FHL2: variants seen among roughly 807,000 people sequenced by gnomAD.
The protein encoded by FHL2 is four and a half LIM domains 2, also known as four and a half LIM domains protein 2.
FHL2 carries 20 observed loss-of-function variants against 32.7 expected under a neutral mutation model. The observed-to-expected ratio is 0.61, with a 90% CI of 0.43 to 0.89. The LOEUF (loss-of-function observed/expected upper bound fraction) is 0.89. Ranked by LOEUF, FHL2 falls within the 40% of genes least tolerant of loss-of-function variation. The pLI, the probability that FHL2 is intolerant of heterozygous loss-of-function variation, is 0.00. For missense variants in FHL2, 311 were observed against 358.6 expected (o/e 0.87, Z 1.07); for synonymous variants, 123 against 128.1 (o/e 0.96, Z 0.27).
intron 1 of FHL2, among the ~76,000 whole-genome samples, chr2:105,414,538 G>A (rs6706921): frequency 0.04 from 6,054 of 152,072 alleles, 392 homozygotes; most frequent in African/African-American, 0.14. Context: ...GAGATTTAAA[G>A]GTTTTTGTTT....
At chr2:105,437,493 T>C (rs1167511379) in intron 1 of FHL2, among the ~76,000 whole-genome samples, 1 of 152,074 alleles carries the variant, frequency 6.6e-6, no homozygotes, top group Non-Finnish European at 1.5e-5. Flanking sequence ...AAGAAACAAA[T>C]AAAACAACTA....
intron 6 of FHL2, chr2:105,363,059 G>A (rs970507016): frequency 3.7e-6 from 2 of 533,810 alleles, no homozygotes; most frequent in African/African-American, 1.9e-5. Flanking sequence ...TGGAGCACTG[G>A]CCATATGGTT....
chr2:105,435,651 G>A (rs900128088), intron 1 of FHL2, among the ~76,000 whole-genome samples: 1 of 151,988 alleles, frequency 6.6e-6, no homozygotes, highest in Non-Finnish European at 1.5e-5. Context: ...ACGAAACACT[G>A]TCTTCACTAA....
At chr2:105,387,107 C>A (rs1332379116) in intron 2 of FHL2, among the ~76,000 whole-genome samples, 1 of 152,098 alleles carries the variant, frequency 6.6e-6, no homozygotes, top group Non-Finnish European at 1.5e-5. Context: ...TTTACTGTGT[C>A]AGAAAAAGCT....
chr2:105,362,152 A>T (rs1201808387), intron 6 of FHL2, among the ~76,000 whole-genome samples: 1 of 152,208 alleles, frequency 6.6e-6, no homozygotes, highest in Admixed American at 6.5e-5. Context: ...ACCTCAACAG[A>T]AGTTACTGCT....
intron 4 of FHL2, among the ~76,000 whole-genome samples, chr2:105,370,059 G>A (rs1558686305): frequency 6.6e-6 from 1 of 152,198 alleles, no homozygotes; most frequent in Non-Finnish European, 1.5e-5. Context: ...CTTGAAGAAG[G>A]GATGTCTTAA....
At chr2:105,371,303 G>A (rs1003520461) in intron 4 of FHL2, among the ~76,000 whole-genome samples, 6 of 152,108 alleles carry the variant, frequency 3.9e-5, no homozygotes, top group African/African-American at 9.7e-5. Context: ...TATCAGGGCC[G>A]GGCTTCATCT....
chr2:105,388,094 G>A (rs747237211), intron 2 of FHL2, among the ~76,000 whole-genome samples: 3 of 152,112 alleles, frequency 2.0e-5, no homozygotes, highest in Non-Finnish European at 4.4e-5. Flanking sequence ...ACAGACGCTG[G>A]GGTCTACTTG....
chr2:105,395,982 C>T (rs754718309), intron 2 of FHL2, among the ~76,000 whole-genome samples: 9 of 152,126 alleles, frequency 5.9e-5, no homozygotes, highest in East Asian at 3.9e-4. Context: ...TCGTGACATC[C>T]CCATGCAGAG....
chr2:105,426,868 C>T (rs1043338061), intron 1 of FHL2, among the ~76,000 whole-genome samples: 5 of 152,232 alleles, frequency 3.3e-5, no homozygotes, highest in Non-Finnish European at 7.3e-5. Flanking sequence ...GAGATCTCTA[C>T]TCACATGGCC....
At chr2:105,364,186 A>G (rs1389529521) in intron 5 of FHL2, among the ~76,000 whole-genome samples, 1 of 152,062 alleles carries the variant, frequency 6.6e-6, no homozygotes, top group African/African-American at 2.4e-5. Flanking sequence ...AACCCTGGAA[A>G]CAGAGGTTGC....
chr2:105,399,153 G>A (rs1168570001), upstream of FHL2: 2 of 1,364,142 alleles, frequency 1.5e-6, no homozygotes, highest in African/African-American at 3.1e-5. Flanking sequence ...TGGGGCGCGG[G>A]GGGCGGGCGC....
At chr2:105,394,149 C>A (rs1287750412) in intron 2 of FHL2, among the ~76,000 whole-genome samples, 1 of 152,178 alleles carries the variant, frequency 6.6e-6, no homozygotes, top group African/African-American at 2.4e-5. Flanking sequence ...ATGGGAGTAT[C>A]TACACACAAA....
upstream of FHL2, among the ~76,000 whole-genome samples, chr2:105,401,544 T>A (rs1471896974): frequency 6.6e-6 from 1 of 152,236 alleles, no homozygotes; most frequent in Non-Finnish European, 1.5e-5. Context: ...GGAAATTATC[T>A]TGTAGATATA....
chr2:105,396,977 G>A, intron 1 of FHL2: 1 of 341,608 alleles, frequency 2.9e-6, no homozygotes, highest in Non-Finnish European at 5.3e-6. Flanking sequence ...CCTCGGCACA[G>A]GACAGGAGTA....
At chr2:105,390,798 ATT>A (rs66618223) in intron 2 of FHL2, among the ~76,000 whole-genome samples, 93 of 143,058 alleles carry the variant, frequency 6.5e-4, no homozygotes, top group Admixed American at 1.7e-3. Context: ...TATAACTTGC[ATT>A]TTTTTTTTTT....
chr2:105,395,927 G>A lies in FHL2; in HGVS notation c.-25+720C>T, dbSNP rs1254965596. ...TCACACCAGGCAAGACACCACCCACGAGCACTGGGATGGACCTGGGAGACC... is the reference window on the plus strand; with the variant it reads ...TCACACCAGGCAAGACACCACCCACAAGCACTGGGATGGACCTGGGAGACC... On this transcript the variant is annotated intron_variant, in intron 2 of 6. Transcript: ENST00000530340. 7.2e-5 allele frequency among the ~76,000 whole-genome samples: 11 copies of A among 152,150 alleles called. No homozygotes were observed. In the East Asian group the frequency reaches 1.7e-3, roughly 24 times the overall value.
At chr2:105,420,377 C>T (rs1464101530) in intron 1 of FHL2, among the ~76,000 whole-genome samples, 3 of 152,088 alleles carry the variant, frequency 2.0e-5, no homozygotes, top group African/African-American at 7.2e-5. Flanking sequence ...ACAAGGGCAC[C>T]ACTCATATTG....
chr2:105,416,073 A>G (rs979811487), intron 1 of FHL2, among the ~76,000 whole-genome samples: 2 of 152,210 alleles, frequency 1.3e-5, no homozygotes, highest in African/African-American at 4.8e-5. Flanking sequence ...ACTCTTTAAT[A>G]TTATTAAGAA....
Sources: allele counts gnomAD v4.1 joint callset (sites outside exome capture counted in the v4.1 genomes callset), GRCh38; gene constraint gnomAD v4.1.1; transcripts MANE v1.5; gene names NCBI Gene and HGNC (gene_info 2026-07-23, HGNC 2026-07-21).